The following MRPL42 variants were observed in gnomAD, a reference collection of about 807,000 sequenced individuals.
The protein encoded by MRPL42 is large ribosomal subunit protein mL42.
A neutral mutation model predicts 17.9 loss-of-function variants in MRPL42; 17 were observed. That is an observed-to-expected ratio of 0.95 (90% CI 0.65 to 1.42). The LOEUF (loss-of-function observed/expected upper bound fraction) is 1.42, where lower values mean the gene tolerates loss of function less well. Among genes scored for constraint, MRPL42 ranks in the 40% most tolerant of loss-of-function variants. The pLI, the probability that MRPL42 is intolerant of heterozygous loss-of-function variation, is 0.00. For synonymous variants in MRPL42, 59 were observed against 54.4 expected, an observed-to-expected ratio of 1.08 and a Z score of -0.37; for missense variants, 177 against 175.2, an observed-to-expected ratio of 1.01 and a Z score of -0.06.
intron 2 of MRPL42, among the ~76,000 whole-genome samples, chr12:93,472,094 G>A (rs1000902483): frequency 4.6e-5 from 7 of 152,056 alleles, no homozygotes; most frequent in African/African-American, 7.2e-5. Context: ...TGTCCCTGGG[G>A]CCTCTCATTC....
Position 93,487,542 on chromosome 12 carries a change from G to T in MRPL42, c.265G>T (p.Asp89Tyr). ...TGTGCATAATAATGAAGAAACACAT[G>T]ATCAAGTGCTGAAAACCAGATTGGA... ...DPVHNNEETH[D>Y]QVLKTRLEEK... Residue 89 changes from aspartate (D) to tyrosine (Y), a missense_variant, in exon 5 of 6, where the codon GAT (aspartate) becomes TAT (tyrosine). Transcript: ENST00000549982. 6.2e-7 allele frequency: 1 copy of T among 1,613,862 alleles called. No homozygotes were observed. Among genetic ancestry groups the T allele is most frequent in the South Asian group, 1.1e-5 (1 of 91,050 alleles).
At position 93,514,804 on chromosome 12, in the gene MRPL42, C is replaced by T. The variant is rs577533034; in HGVS notation, c.*13583C>T. On this transcript the variant is annotated 3_prime_UTR_variant, in exon 6 of 6. Coordinates refer to ENST00000549982, the MANE Select transcript of MRPL42 (RefSeq NM_014050.4). ...CTTATCCTGATTGTCCTCCTTTAGACACATGCTTTTAATGATATATTTCTT... is the reference window on the plus strand; with the variant it reads ...CTTATCCTGATTGTCCTCCTTTAGATACATGCTTTTAATGATATATTTCTT... The T allele has an allele frequency of 1.3e-5, 2 of 152,196 alleles. No individual in the cohort carries two copies. The highest frequency in any genetic ancestry group is 1.3e-4 in the Admixed American group (2 of 15,286). 9.4% of individuals were successfully genotyped at this position (152,196 alleles called of 1,614,324 possible). A position where few individuals can be genotyped will look rare whatever the true frequency, so the allele number is the denominator to read the frequency against.
In MRPL42 at chr12:93,501,161, TTTC is replaced by T. The variant is rs750079282; in HGVS notation, c.384-9_384-7del. 3 of 1,571,580 alleles carry T rather than the reference TTTC, an allele frequency of 1.9e-6. No homozygotes were observed. The highest frequency in any genetic ancestry group is 2.6e-6 in the Non-Finnish European group (3 of 1,158,320). On this transcript the variant is annotated splice_polypyrimidine_tract_variant and intron_variant, in intron 5 of 5. Coordinates refer to ENST00000549982, the MANE Select transcript of MRPL42 (RefSeq NM_014050.4). Reference sequence around the variant, plus strand: ...ATTAAAATCATCTTATTCCAAGTATTTTCTTCTTTTCAAGGTATCACAGATGTC... The same window carrying T: ...ATTAAAATCATCTTATTCCAAGTATTTTCTTTTCAAGGTATCACAGATGTC...
intron 2 of MRPL42, among the ~76,000 whole-genome samples, chr12:93,476,676 G>C (rs911780073): frequency 6.6e-6 from 1 of 152,118 alleles, no homozygotes; most frequent in African/African-American, 2.4e-5. Context: ...CAATTTGTTT[G>C]GTAGCCTTTC....
At chr12:93,484,987 T>TCTATACACAC (rs1565813764) in intron 4 of MRPL42, among the ~76,000 whole-genome samples, 1 of 14,832 alleles carries the variant, frequency 6.7e-5, no homozygotes, top group African/African-American at 4.0e-4. Context: ...CACATATATA[T>TCTATACACAC]ATATATATAT....
At chr12:93,488,598 T>A (rs1565815517) in intron 5 of MRPL42, 1 of 270,850 alleles carries the variant, frequency 3.7e-6, no homozygotes, top group Non-Finnish European at 6.8e-6. Flanking sequence ...CTTTATCAAT[T>A]TCTTTATCAT....
In MRPL42 at chr12:93,511,056, T is replaced by C. The variant is rs1181769275; in HGVS notation, c.*9835T>C. On this transcript the variant is annotated 3_prime_UTR_variant, in exon 6 of 6. Transcript: ENST00000549982. The stretch of plus-strand genomic sequence containing the variant: ...AATGCAACAGTATTAGTAAACCTAA[T>C]GGTGACAATAAAAGCGATTCTGAAT... The C allele has an allele frequency of 1.3e-5, 2 of 152,198 alleles. No homozygotes were observed. Among genetic ancestry groups the C allele is most frequent in the African/African-American group, 4.8e-5 (2 of 41,458 alleles). 9.4% of individuals were successfully genotyped at this position (152,198 alleles called of 1,614,324 possible).
chr12:93,477,674 G>A (rs1880247861), intron 3 of MRPL42, among the ~76,000 whole-genome samples: 1 of 151,990 alleles, frequency 6.6e-6, no homozygotes, highest in African/African-American at 2.4e-5. Flanking sequence ...TTGGCTCACT[G>A]CAACCTGAGA....
In MRPL42 at chr12:93,507,052, A is replaced by G. The variant is rs898996639; in HGVS notation, c.*5831A>G. The G allele has an allele frequency of 6.6e-6, 1 of 152,260 alleles. No homozygotes were observed. The highest frequency in any genetic ancestry group is 2.4e-5 in the African/African-American group (1 of 41,468). 9.4% of individuals were successfully genotyped at this position (152,260 alleles called of 1,614,324 possible). On this transcript the variant is annotated 3_prime_UTR_variant, in exon 6 of 6. Transcript: ENST00000549982. ...AATGTCTTTTTTAAACATTAAGGAC[A>G]TCTTATATGTATATTTATGCATATA... is the stretch of plus-strand genomic sequence containing the variant.
intron 5 of MRPL42, among the ~76,000 whole-genome samples, chr12:93,496,514 T>C (rs1953507979): frequency 1.3e-5 from 2 of 151,270 alleles, no homozygotes; most frequent in South Asian, 4.2e-4. Flanking sequence ...TATAAAAAAG[T>C]AAAATGTCAT....
chr12:93,479,160 CA>C (rs1358796257), intron 3 of MRPL42, among the ~76,000 whole-genome samples: 3 of 151,274 alleles, frequency 2.0e-5, no homozygotes, highest in African/African-American at 4.9e-5. Context: ...TGACCTCAAG[CA>C]ATCTGCCCAC....
rs1953724140 is a variant in MRPL42, at chr12:93,511,390, T to C, written c.*10169T>C. 6.6e-6 allele frequency: 1 copy of C among 152,216 alleles called. No individual in the cohort carries two copies. The highest frequency in any genetic ancestry group is 1.5e-5 in the Non-Finnish European group (1 of 68,022). 9.4% of individuals were successfully genotyped at this position (152,216 alleles called of 1,614,324 possible). A position where few individuals can be genotyped will look rare whatever the true frequency, so the allele number is the denominator to read the frequency against. On this transcript the variant is annotated 3_prime_UTR_variant, in exon 6 of 6. Coordinates refer to ENST00000549982, the MANE Select transcript of MRPL42 (RefSeq NM_014050.4). ...CTTTTTAGACATCTTTAAGCAACTT[T>C]AGATTGCTAAAACTAAAAAATGCAA...
chr12:93,492,081 C>G (rs1018261780), intron 5 of MRPL42, among the ~76,000 whole-genome samples: 1 of 152,162 alleles, frequency 6.6e-6, no homozygotes, highest in African/African-American at 2.4e-5. Flanking sequence ...AGTGAACATA[C>G]AATTACATGT....
chr12:93,477,265 C>T (rs1018777114), intron 3 of MRPL42, among the ~76,000 whole-genome samples: 8 of 152,146 alleles, frequency 5.3e-5, no homozygotes, highest in African/African-American at 1.9e-4. Flanking sequence ...CTGTTTAGAA[C>T]TGCTATCTTT....
rs146852668 is a variant in MRPL42 at position 93,491,054 on chromosome 12, C to A, written c.383+3394C>A. 6.2e-4 allele frequency among the ~76,000 whole-genome samples: 94 copies of A among 152,150 alleles called. 1 individual carries two copies. The East Asian group carries it at 0.013, about 21-fold the overall frequency. ...TACAGGTGCACATCACCATGCCTGGCTGTTTTTTGTATTTTTAGTAGAGAC... is the reference window on the plus strand; with the variant it reads ...TACAGGTGCACATCACCATGCCTGGATGTTTTTTGTATTTTTAGTAGAGAC... On this transcript the variant is annotated intron_variant, in intron 5 of 5. Coordinates refer to ENST00000549982, the MANE Select transcript of MRPL42 (RefSeq NM_014050.4).
intron 4 of MRPL42, 32 bp from the exon 5 acceptor site, chr12:93,487,465 C>A (rs374503256): frequency 2.5e-5 from 40 of 1,578,834 alleles, no homozygotes; most frequent in Non-Finnish European, 3.3e-5. Flanking sequence ...ATTCCCACAT[C>A]TTCATGATGT....
At position 93,513,649 on chromosome 12, in the gene MRPL42, A is replaced by G. The variant is rs574932033; in HGVS notation, c.*12428A>G. ...TAATCTTAAATTCACATTTTCAGTGAAAGTTTTTAAATAATTTTTTCTCTT... is the reference window on the plus strand; with the variant it reads ...TAATCTTAAATTCACATTTTCAGTGGAAGTTTTTAAATAATTTTTTCTCTT... On this transcript the variant is annotated 3_prime_UTR_variant, in exon 6 of 6. Transcript: ENST00000549982. The G allele has an allele frequency of 7.2e-5, 11 of 152,298 alleles. No individual in the cohort carries two copies. In the South Asian group the frequency reaches 2.1e-3, roughly 29 times the overall value. 9.4% of individuals were successfully genotyped at this position (152,298 alleles called of 1,614,324 possible). A position where few individuals can be genotyped will look rare whatever the true frequency, so the allele number is the denominator to read the frequency against.
chr12:93,488,809 A>C (rs1338962123), intron 5 of MRPL42, among the ~76,000 whole-genome samples: 1 of 150,812 alleles, frequency 6.6e-6, no homozygotes, highest in African/African-American at 2.4e-5. Flanking sequence ...CTTCTTCCAT[A>C]CCAAACTATA....
intron 5 of MRPL42, among the ~76,000 whole-genome samples, chr12:93,499,049 G>C (rs141573141): frequency 0.16 from 3,890 of 23,718 alleles, 298 homozygotes; most frequent in Middle Eastern, 0.29. Context: ...TGTAATCTAA[G>C]AAGTGTAACA....
Sources: allele counts gnomAD v4.1 joint callset (sites outside exome capture counted in the v4.1 genomes callset), GRCh38; gene constraint gnomAD v4.1.1; transcripts MANE v1.5; gene names NCBI Gene and HGNC (gene_info 2026-07-23, HGNC 2026-07-21).